Variants in KYNU observed in about 807,000 individuals in gnomAD.
KYNU encodes the protein kynureninase, also known as L-kynurenine hydrolase.
KYNU carries 54 observed loss-of-function variants against 59.2 expected under a neutral mutation model. The observed-to-expected ratio is 0.91, with a 90% CI of 0.73 to 1.14. The LOEUF is 1.14. Among genes scored for constraint, KYNU ranks in the 50% most tolerant of loss-of-function variants. The pLI is 0.00. For missense variants in KYNU, 567 were observed against 554.4 expected (o/e 1.02, Z -0.23); for synonymous variants, 177 against 192.0 (o/e 0.92, Z 0.65).
At chr2:142,993,915 A>T (rs533774477) in intron 10 of KYNU, among the ~76,000 whole-genome samples, 56 of 152,090 alleles carry the variant, frequency 3.7e-4, no homozygotes, top group African/African-American at 1.2e-3. Context: ...GTCCTTTGAA[A>T]CCTAAACATT....
chr2:142,913,727 A>G (rs1003630465), intron 2 of KYNU, among the ~76,000 whole-genome samples: 1 of 152,140 alleles, frequency 6.6e-6, no homozygotes, highest in Admixed American at 6.5e-5. Flanking sequence ...TAAGTGTTGA[A>G]TTGAAGTCTA....
intron 10 of KYNU, among the ~76,000 whole-genome samples, chr2:143,000,742 G>A (rs776430486): frequency 2.0e-5 from 3 of 152,142 alleles, no homozygotes; most frequent in East Asian, 1.9e-4. Context: ...ACTGGGCTTC[G>A]GGTTACAGCA....
chr2:142,978,899 T>C (rs1573864490), intron 8 of KYNU, among the ~76,000 whole-genome samples: 1 of 131,836 alleles, frequency 7.6e-6, no homozygotes, highest in African/African-American at 2.5e-5. Flanking sequence ...ATAATAACAA[T>C]AATAATAGTC....
chr2:143,011,895 A>C (rs1686110105), intron 10 of KYNU, among the ~76,000 whole-genome samples: 2 of 137,896 alleles, frequency 1.5e-5, no homozygotes, highest in Admixed American at 7.2e-5. Context: ...GGGGAATATC[A>C]CACTCTGGGG....
At position 143,004,570 on chromosome 2, in the gene KYNU, G is replaced by A. The variant is rs953466129; in HGVS notation, c.902+18549G>A. On this transcript the variant is annotated intron_variant, in intron 10 of 13. Coordinates refer to ENST00000264170, the MANE Select transcript of KYNU (RefSeq NM_003937.3). Reference sequence around the variant, plus strand: ...TACTAAAAATACAAGAATTAGCTGCGTGTGGTGGTGTGCGCCACCACTCGG... The same window carrying A: ...TACTAAAAATACAAGAATTAGCTGCATGTGGTGGTGTGCGCCACCACTCGG... 5.9e-5 allele frequency among the ~76,000 whole-genome samples: 9 copies of A among 152,220 alleles called. No homozygotes were observed. In the South Asian group the frequency reaches 1.7e-3, roughly 28 times the overall value.
chr2:143,044,672 A>C lies in KYNU; in HGVS notation c.*2500A>C, dbSNP rs1573927557. ...GTTCGTATCCTTCACCCACTTTTTG[A>C]TGGGGTTGTGTTTTTCTTGTAAATT... is the stretch of plus-strand genomic sequence containing the variant. On this transcript the variant is annotated 3_prime_UTR_variant, in exon 14 of 14. Coordinates refer to ENST00000264170, the MANE Select transcript of KYNU (RefSeq NM_003937.3). 1 of 151,734 alleles carries C rather than the reference A, an allele frequency of 6.6e-6. No homozygotes were observed. The highest frequency in any genetic ancestry group is 2.4e-5 in the African/African-American group (1 of 41,270). 9.4% of individuals were successfully genotyped at this position (151,734 alleles called of 1,614,324 possible).
intron 8 of KYNU, among the ~76,000 whole-genome samples, chr2:142,966,574 T>C (rs370770708): frequency 6.6e-6 from 1 of 152,154 alleles, no homozygotes; most frequent in Non-Finnish European, 1.5e-5. Flanking sequence ...ATACTTATTC[T>C]AAGATGCAGT....
intron 10 of KYNU, among the ~76,000 whole-genome samples, chr2:142,999,277 G>T (rs183702910): frequency 6.6e-5 from 10 of 152,150 alleles, no homozygotes; most frequent in African/African-American, 2.2e-4. Context: ...AAGAATTTTA[G>T]AGCCTTCATT....
At chr2:143,022,141 C>T (rs541054093) in intron 10 of KYNU, among the ~76,000 whole-genome samples, 2 of 152,048 alleles carry the variant, frequency 1.3e-5, no homozygotes, top group African/African-American at 4.8e-5. Context: ...AAAATTACTT[C>T]GGTGTTGCTA....
chr2:143,043,775 A>G lies in KYNU; in HGVS notation c.*1603A>G, dbSNP rs1020835052. ...TATATATATTTATATTTATATATTT[A>G]TATATTTATATTTTAATATATTTAT... On this transcript the variant is annotated 3_prime_UTR_variant, in exon 14 of 14. Transcript: ENST00000264170. The G allele has an allele frequency of 6.8e-5, 10 of 146,960 alleles. No individual in the cohort carries two copies. The highest frequency in any genetic ancestry group is 2.2e-4 in the African/African-American group (9 of 40,566). 9.1% of individuals were successfully genotyped at this position (146,960 alleles called of 1,614,324 possible).
intron 10 of KYNU, among the ~76,000 whole-genome samples, chr2:142,997,001 C>G (rs1685565539): frequency 6.6e-6 from 1 of 152,146 alleles, no homozygotes; most frequent in Non-Finnish European, 1.5e-5. Context: ...CCGGCTATAT[C>G]AATAACTTCA....
chr2:143,004,073 A>G (rs112143217), intron 10 of KYNU, among the ~76,000 whole-genome samples: 16 of 152,336 alleles, frequency 1.1e-4, no homozygotes, highest in African/African-American at 3.8e-4. Context: ...CATTTTGACT[A>G]ATTCATGAAA....
chr2:142,970,922 A>G (rs1281312204), intron 8 of KYNU, among the ~76,000 whole-genome samples: 1 of 152,050 alleles, frequency 6.6e-6, no homozygotes, highest in African/African-American at 2.4e-5. Flanking sequence ...CCCTCCACCT[A>G]CATATTCCCA....
chr2:142,900,216 C>T (rs898725339), intron 2 of KYNU, among the ~76,000 whole-genome samples: 3 of 152,244 alleles, frequency 2.0e-5, no homozygotes, highest in South Asian at 2.1e-4. Context: ...GCGGGCGCCT[C>T]GCTGGATCAG....
chr2:142,934,514 T>G (rs1683323214), intron 4 of KYNU, among the ~76,000 whole-genome samples: 1 of 151,656 alleles, frequency 6.6e-6, no homozygotes, highest in Admixed American at 6.6e-5. Flanking sequence ...AAGGAAAAGG[T>G]GTATAGGGAG....
intron 2 of KYNU, among the ~76,000 whole-genome samples, chr2:142,912,647 G>A (rs547799606): frequency 1.1e-4 from 17 of 150,704 alleles, no homozygotes; most frequent in Non-Finnish European, 1.3e-4. Flanking sequence ...CCAAAGTGCT[G>A]GGATTACAGG....
chr2:142,980,900 G>A (rs1232591137), intron 8 of KYNU, among the ~76,000 whole-genome samples: 1 of 152,064 alleles, frequency 6.6e-6, no homozygotes, highest in African/African-American at 2.4e-5. Context: ...ACCTACATGA[G>A]GCAAAACAAT....
chr2:142,889,209 A>G (rs1422293300), intron 2 of KYNU, among the ~76,000 whole-genome samples: 1 of 152,172 alleles, frequency 6.6e-6, no homozygotes, highest in African/African-American at 2.4e-5. Context: ...AACCCAGGGA[A>G]AACTTGAGAT....
At chr2:142,976,075 G>C (rs1054720683) in intron 8 of KYNU, among the ~76,000 whole-genome samples, 1 of 152,132 alleles carries the variant, frequency 6.6e-6, no homozygotes, top group East Asian at 1.9e-4. Flanking sequence ...TATTAGAGAA[G>C]GTATGAAGAT....
Sources: allele counts gnomAD v4.1 joint callset (sites outside exome capture counted in the v4.1 genomes callset), GRCh38; gene constraint gnomAD v4.1.1; transcripts MANE v1.5; gene names NCBI Gene and HGNC (gene_info 2026-07-23, HGNC 2026-07-21).